The following CSMD1 variants were observed in gnomAD, a reference collection of about 807,000 sequenced individuals.
The protein encoded by CSMD1 is CUB and sushi domain-containing protein 1.
Under a neutral mutation model 417.5 loss-of-function variants are expected in CSMD1, and 213 were observed. That is an observed-to-expected ratio of 0.51 (90% CI 0.46 to 0.57). The LOEUF is 0.57. CSMD1 is among the 20% of genes least tolerant of loss of function. CSMD1 has a pLI of 0.00. For synonymous variants in CSMD1, 2,862 were observed against 1,736.8 expected (o/e 1.65, Z -16.11); for missense variants, 6,923 against 4,529.7 (o/e 1.53, Z -15.17).
At chr8:4,784,546 T>G (rs1358761404) in intron 1 of CSMD1, among the ~76,000 whole-genome samples, 2 of 152,242 alleles carry the variant, frequency 1.3e-5, no homozygotes, top group African/African-American at 2.4e-5. Context: ...GTTTTAAGAT[T>G]TAGTTTTTTC....
intron 3 of CSMD1, among the ~76,000 whole-genome samples, chr8:4,326,359 G>A (rs12544891): frequency 0.39 from 58,763 of 152,008 alleles, 12,902 homozygotes; most frequent in East Asian, 0.66. Context: ...GCAACCTGAC[G>A]ACGATCACCA....
chr8:4,200,532 A>G (rs1269811526), intron 3 of CSMD1, among the ~76,000 whole-genome samples: 2 of 152,186 alleles, frequency 1.3e-5, no homozygotes, highest in African/African-American at 4.8e-5. Context: ...AATGTATATT[A>G]ATATAAATGC....
chr8:3,328,496 A>T (rs1372849923), intron 23 of CSMD1, among the ~76,000 whole-genome samples: 1 of 152,180 alleles, frequency 6.6e-6, no homozygotes, highest in East Asian at 1.9e-4. Context: ...AAATACTTCA[A>T]ATATTGTGTT....
chr8:3,108,730 G>A lies in CSMD1; in HGVS notation c.6627C>T (p.Asn2209=). ...CACTGAAAACTCCCAGCTGGGGTGA[G>A]TTCTGATCGGGACCGTCCCTAGGAA... ...YIAVWDGPDQ[N]SPQLGVFSGN... Residue 2209 remains asparagine (N), a synonymous_variant, in exon 44 of 70, where the codon AAC becomes AAT. Transcript: ENST00000635120. 2 of 1,613,318 alleles carry A rather than the reference G, an allele frequency of 1.2e-6. No individual in the cohort carries two copies. Among genetic ancestry groups the A allele is most frequent in the Non-Finnish European group, 1.7e-6 (2 of 1,179,572 alleles).
At chr8:3,219,785 G>C (rs1007754794) in intron 28 of CSMD1, among the ~76,000 whole-genome samples, 6 of 151,990 alleles carry the variant, frequency 3.9e-5, no homozygotes, top group African/African-American at 1.5e-4. Context: ...AAAGAACCAA[G>C]CTCAAAAGAG....
At chr8:3,415,951 TAC>T (rs573012614) in intron 12 of CSMD1, among the ~76,000 whole-genome samples, 1,887 of 152,314 alleles carry the variant, frequency 0.012, 18 homozygotes, top group Non-Finnish European at 0.02. Flanking sequence ...TTTTGGCACT[TAC>T]AATGAGTAGC....
At chr8:3,560,218 G>A (rs1158305386) in intron 10 of CSMD1, among the ~76,000 whole-genome samples, 1 of 152,154 alleles carries the variant, frequency 6.6e-6, no homozygotes, top group Non-Finnish European at 1.5e-5. Flanking sequence ...AAGGTCCAAA[G>A]AAGAAATTAT....
At chr8:4,442,651 T>C (rs2129708203) in intron 2 of CSMD1, among the ~76,000 whole-genome samples, 1 of 152,292 alleles carries the variant, frequency 6.6e-6, no homozygotes, top group Middle Eastern at 3.4e-3. Flanking sequence ...CCAGAGTACT[T>C]TTAAAACTTC....
At chr8:4,797,927 C>T (rs977229723) in intron 1 of CSMD1, among the ~76,000 whole-genome samples, 1 of 152,176 alleles carries the variant, frequency 6.6e-6, no homozygotes, top group African/African-American at 2.4e-5. Context: ...GACAGATCTC[C>T]ATAAATGAAG....
chr8:3,065,900 G>C (rs1387171268), intron 49 of CSMD1, among the ~76,000 whole-genome samples: 2 of 152,202 alleles, frequency 1.3e-5, no homozygotes, highest in Admixed American at 1.3e-4. Context: ...TGAGTGAAGA[G>C]CGTAGTTTCT....
At chr8:3,255,940 A>T (rs1193553848) in intron 26 of CSMD1, among the ~76,000 whole-genome samples, 1 of 151,980 alleles carries the variant, frequency 6.6e-6, no homozygotes, top group Non-Finnish European at 1.5e-5. Flanking sequence ...TGCAGAAATC[A>T]CCCATCTTCT....
chr8:4,872,406 A>G (rs1402975075), intron 1 of CSMD1, among the ~76,000 whole-genome samples: 1 of 152,026 alleles, frequency 6.6e-6, no homozygotes, highest in Non-Finnish European at 1.5e-5. Context: ...TGCTGCTCTC[A>G]TGATAGCAGG....
Position 4,734,563 on chromosome 8 carries a change from T to C in CSMD1, c.86-97005A>G, listed in dbSNP as rs945437531. 7.2e-5 allele frequency among the ~76,000 whole-genome samples: 11 copies of C among 152,304 alleles called. 1 individual carries two copies. In the Middle Eastern group the frequency reaches 0.017, roughly 235 times the overall value. On this transcript the variant is annotated intron_variant, in intron 1 of 69. Transcript: ENST00000635120. ...TATTTGGTAGCGAAGTATAAGTAAATGCTGGGTATTAAATTATATGCTGTT... is the reference window on the plus strand; with the variant it reads ...TATTTGGTAGCGAAGTATAAGTAAACGCTGGGTATTAAATTATATGCTGTT...
At chr8:4,989,991 G>T (rs1423164044) in intron 1 of CSMD1, among the ~76,000 whole-genome samples, 3 of 152,130 alleles carry the variant, frequency 2.0e-5, no homozygotes, top group Admixed American at 1.3e-4. Context: ...TGTGGCAGTC[G>T]TCTTACCAAG....
chr8:3,893,263 G>A (rs1033119221), intron 5 of CSMD1, among the ~76,000 whole-genome samples: 3 of 144,606 alleles, frequency 2.1e-5, no homozygotes, highest in Admixed American at 7.2e-5. Context: ...TAATATTTTA[G>A]CCTATAAAAC....
At chr8:3,310,280 C>G (rs545667762) in intron 23 of CSMD1, among the ~76,000 whole-genome samples, 23 of 152,326 alleles carry the variant, frequency 1.5e-4, no homozygotes, top group African/African-American at 5.3e-4. Flanking sequence ...GTGCTCATTT[C>G]TGTTTTCGCA....
At chr8:3,100,425 A>G (rs143228952) in intron 46 of CSMD1, among the ~76,000 whole-genome samples, 1,692 of 152,308 alleles carry the variant, frequency 0.011, 12 homozygotes, top group Non-Finnish European at 0.019. Context: ...CCTCAGTGTT[A>G]TAAACTGTTG....
In CSMD1 at chr8:3,789,112, T is replaced by C. The variant is rs559191566; in HGVS notation, c.819-35070A>G. Among the ~76,000 whole-genome samples the C allele has an allele frequency of 2.1e-3, 313 of 152,298 alleles. 2 individuals carry two copies. Among genetic ancestry groups the C allele is most frequent in the Non-Finnish European group, 3.3e-3 (227 of 68,028 alleles). ...TGGGGGGATTAGGTGGTACAGCCTT[T>C]GGAAGGTGACTAAGTCCTTTGTTTT... On this transcript the variant is annotated intron_variant, in intron 5 of 69. Transcript: ENST00000635120.
intron 10 of CSMD1, among the ~76,000 whole-genome samples, chr8:3,511,581 C>A (rs965184793): frequency 6.6e-6 from 1 of 151,232 alleles, no homozygotes; most frequent in Admixed American, 6.6e-5. Flanking sequence ...ATGGTGAAAC[C>A]CCTCTCTACT....
Sources: allele counts gnomAD v4.1 joint callset (sites outside exome capture counted in the v4.1 genomes callset), GRCh38; gene constraint gnomAD v4.1.1; transcripts MANE v1.5; gene names NCBI Gene and HGNC (gene_info 2026-07-23, HGNC 2026-07-21).